CERS4: variants seen among roughly 807,000 people sequenced by gnomAD.
CERS4 encodes LAG1 homolog, ceramide synthase 4.
Under a neutral mutation model 51.8 loss-of-function variants are expected in CERS4, and 65 were observed. The ratio of observed to expected loss-of-function variants is 1.26; its 90% CI spans 1.03 to 1.54. The LOEUF is 1.54. Ranked by LOEUF, CERS4 falls within the 40% of genes most tolerant of loss-of-function variation. The pLI, the probability that CERS4 is intolerant of heterozygous loss-of-function variation, is 0.00. For missense variants in CERS4, 563 were observed against 500.4 expected (o/e 1.13, Z -1.19); for synonymous variants, 228 against 208.4 (o/e 1.09, Z -0.81).
intron 2 of CERS4, among the ~76,000 whole-genome samples, chr19:8,231,083 C>G (rs1882396054): frequency 6.6e-6 from 1 of 152,282 alleles, no homozygotes; most frequent in South Asian, 2.1e-4. Context: ...TAGTGATCCA[C>G]CCACCTTGGC....
chr19:8,236,931 A>G (rs946737739), intron 2 of CERS4, among the ~76,000 whole-genome samples: 1 of 127,816 alleles, frequency 7.8e-6, no homozygotes, highest in Non-Finnish European at 1.6e-5. Flanking sequence ...TGAACCAGAG[A>G]GGTAGAGGTT....
At chr19:8,255,937 T>C in intron 6 of CERS4, 58 bp downstream of exon 6, 1 of 1,562,712 alleles carries the variant, frequency 6.4e-7, no homozygotes, top group Non-Finnish European at 8.8e-7. Flanking sequence ...GGCCTAGATC[T>C]GGCAGGAGTG....
rs149036000 is a variant in CERS4, at chr19:8,226,192, ACT to A, written c.-2+15333_-2+15334del. Among the ~76,000 whole-genome samples, 460 of 151,816 alleles carry A rather than the reference ACT, an allele frequency of 3.0e-3. 2 individuals are homozygous for A. The highest frequency in any genetic ancestry group is 5.3e-3 in the Non-Finnish European group (361 of 67,924). On this transcript the variant is annotated intron_variant, in intron 2 of 11. Coordinates refer to ENST00000251363, the MANE Select transcript of CERS4 (RefSeq NM_024552.3). Reference sequence around the variant, plus strand: ...ACTCCAGCCTGAGTGACAGAGCAAGACTCTGTCTTAAAAAAAAAGAATGGTAA... The same window carrying A: ...ACTCCAGCCTGAGTGACAGAGCAAGACTGTCTTAAAAAAAAAGAATGGTAA...
At chr19:8,248,243 G>A (rs1968875699) in intron 2 of CERS4, among the ~76,000 whole-genome samples, 1 of 152,186 alleles carries the variant, frequency 6.6e-6, no homozygotes. Context: ...TTCCCCTGCT[G>A]TGTCGCCAAG....
chr19:8,249,187 TTGGATGGG>T (rs1203758177), intron 2 of CERS4, among the ~76,000 whole-genome samples: 3 of 134,588 alleles, frequency 2.2e-5, no homozygotes, highest in Admixed American at 7.0e-5. Flanking sequence ...GGACAGATGT[TTGGATGGG>T]TGGATGGACG....
At chr19:8,249,587 A>ATTTT (rs869119452) in intron 2 of CERS4, among the ~76,000 whole-genome samples, 6,067 of 91,262 alleles carry the variant, frequency 0.066, 1,007 homozygotes, top group African/African-American at 0.21. Flanking sequence ...GGAACTCTGG[A>ATTTT]TTTTTTTTTT....
At chr19:8,219,782 G>A (rs1967452496) in intron 2 of CERS4, among the ~76,000 whole-genome samples, 1 of 151,960 alleles carries the variant, frequency 6.6e-6, no homozygotes, top group East Asian at 1.9e-4. Context: ...CTGTGCTTCT[G>A]CACTCCAGCC....
intron 2 of CERS4, among the ~76,000 whole-genome samples, chr19:8,232,553 A>T (rs893069375): frequency 1.3e-5 from 2 of 151,938 alleles, no homozygotes; most frequent in African/African-American, 2.4e-5. Context: ...CGGCCTCCCA[A>T]AGTGCTGGGA....
At chr19:8,226,759 G>T (rs1306332924) in intron 2 of CERS4, among the ~76,000 whole-genome samples, 2 of 152,122 alleles carry the variant, frequency 1.3e-5, no homozygotes, top group Admixed American at 1.3e-4. Context: ...TTGGGAGGCT[G>T]AGGCAGGCGG....
chr19:8,234,143 A>G (rs1015235108), intron 2 of CERS4, among the ~76,000 whole-genome samples: 19 of 150,470 alleles, frequency 1.3e-4, no homozygotes, highest in African/African-American at 2.9e-4. Flanking sequence ...CGTCTCTACT[A>G]AAAATACAAA....
intron 2 of CERS4, among the ~76,000 whole-genome samples, chr19:8,243,946 T>A (rs1032208145): frequency 6.6e-6 from 1 of 152,248 alleles, no homozygotes; most frequent in Non-Finnish European, 1.5e-5. Context: ...ACTGGAAGGC[T>A]GACAGCTTCA....
Position 8,261,674 on chromosome 19 carries a change from C to T in CERS4, c.849-14C>T. ...TGGTCAAACCCCAGCCTCCTCCTCT[C>T]CCCCTGGCTGTAGGATCCTCTACAC... On this transcript the variant is annotated splice_polypyrimidine_tract_variant and intron_variant, in intron 10 of 11. Transcript: ENST00000251363. The T allele has an allele frequency of 6.2e-7, 1 of 1,613,732 alleles. No homozygotes were observed. Among genetic ancestry groups the T allele is most frequent in the African/African-American group, 1.3e-5 (1 of 75,000 alleles).
chr19:8,253,298 C>G (rs77935648), intron 3 of CERS4, among the ~76,000 whole-genome samples: 1 of 152,194 alleles, frequency 6.6e-6, no homozygotes, highest in Non-Finnish European at 1.5e-5. Context: ...TGGGGAGCCC[C>G]TAGACTGGCG....
chr19:8,245,122 A>ACAAAACAAACAAAAACAAAAAAAC (rs755450125), intron 2 of CERS4, among the ~76,000 whole-genome samples: 32,173 of 129,076 alleles, frequency 0.25, 4,610 homozygotes, highest in East Asian at 0.43. Flanking sequence ...AAAAAAAAAA[A>ACAAAACAAACAAAAACAAAAAAAC]AAAAAAAAAA....
Position 8,261,862 on chromosome 19 carries a change from C to A in CERS4, c.1005+18C>A. The A allele has an allele frequency of 6.2e-7, 1 of 1,613,880 alleles. No individual in the cohort carries two copies. Among genetic ancestry groups the A allele is most frequent in the Non-Finnish European group, 8.5e-7 (1 of 1,179,812 alleles). On this transcript the variant is annotated intron_variant, in intron 11 of 11. Transcript: ENST00000251363. ...AGGGCCAGGTATGGCTGGACCTCCC[C>A]GGGGGCCCCAGCCCTAAGCTCCTCC...
intron 2 of CERS4, among the ~76,000 whole-genome samples, chr19:8,243,671 CAG>C (rs1968635097): frequency 1.3e-5 from 2 of 148,934 alleles, no homozygotes; most frequent in Non-Finnish European, 3.0e-5. Flanking sequence ...TCCCCCAAAA[CAG>C]GGTCTTGTTG....
chr19:8,251,299 T>C (rs1327051112), intron 3 of CERS4, 50 bp downstream of exon 3: 8 of 1,523,746 alleles, frequency 5.3e-6, no homozygotes, highest in Admixed American at 2.1e-5. Flanking sequence ...CGCTCCAGTA[T>C]GTGCTCGTGC....
intron 2 of CERS4, among the ~76,000 whole-genome samples, chr19:8,218,978 G>T (rs898302031): frequency 6.6e-6 from 1 of 152,222 alleles, no homozygotes; most frequent in East Asian, 1.9e-4. Flanking sequence ...AGGCCGAGGC[G>T]GGAGGATCAC....
chr19:8,251,411 A>G (rs1340469013), intron 3 of CERS4, among the ~76,000 whole-genome samples, 162 bp downstream of exon 3: 2 of 152,054 alleles, frequency 1.3e-5, no homozygotes, highest in African/African-American at 4.8e-5. Context: ...CACCACCCAC[A>G]CTTCTGGCCT....
Sources: allele counts gnomAD v4.1 joint callset (sites outside exome capture counted in the v4.1 genomes callset), GRCh38; gene constraint gnomAD v4.1.1; transcripts MANE v1.5; gene names NCBI Gene and HGNC (gene_info 2026-07-23, HGNC 2026-07-21).